The following CTNNA3 variants were observed in gnomAD, a reference collection of about 807,000 sequenced individuals.
CTNNA3 encodes catenin alpha-3.
CTNNA3 carries 76 observed loss-of-function variants against 95.7 expected under a neutral mutation model. The observed-to-expected ratio is 0.79, with a 90% confidence interval of 0.66 to 0.96. CTNNA3 has a LOEUF of 0.96. Ranked by LOEUF, CTNNA3 falls within the 40% of genes least tolerant of loss-of-function variation. The pLI is 0.00. For missense variants in CTNNA3, 1,191 were observed against 1,089.8 expected, an observed-to-expected ratio of 1.09 and a Z score of -1.31; for synonymous variants, 431 against 374.4, an observed-to-expected ratio of 1.15 and a Z score of -1.74.
At chr10:67,320,670 G>C (rs1408352688) in intron 5 of CTNNA3, among the ~76,000 whole-genome samples, 2 of 152,126 alleles carry the variant, frequency 1.3e-5, no homozygotes, top group African/African-American at 4.8e-5. Flanking sequence ...AAGCATGCCT[G>C]GTAGGTATTC....
chr10:66,946,454 A>T (rs1848281247), intron 7 of CTNNA3, among the ~76,000 whole-genome samples: 1 of 152,166 alleles, frequency 6.6e-6, no homozygotes, highest in Non-Finnish European at 1.5e-5. Flanking sequence ...CAGCTTGATG[A>T]ATAACTGAGC....
intron 5 of CTNNA3, among the ~76,000 whole-genome samples, chr10:67,239,785 C>A (rs1589072882): frequency 6.6e-6 from 1 of 151,960 alleles, no homozygotes; most frequent in South Asian, 2.1e-4. Flanking sequence ...TTACCCATGT[C>A]ATTAAGGGAA....
chr10:67,667,790 G>T (rs943141630), intron 1 of CTNNA3, among the ~76,000 whole-genome samples: 2 of 151,926 alleles, frequency 1.3e-5, no homozygotes, highest in Non-Finnish European at 2.9e-5. Context: ...AATAAAATAG[G>T]ATACCTCTTA....
intron 13 of CTNNA3, among the ~76,000 whole-genome samples, chr10:66,240,178 A>C (rs1441886258): frequency 6.6e-6 from 1 of 151,996 alleles, no homozygotes; most frequent in Non-Finnish European, 1.5e-5. Context: ...TATAATTGCC[A>C]CTTTCTACCT....
chr10:66,289,685 C>T (rs1296883567), intron 12 of CTNNA3, among the ~76,000 whole-genome samples: 2 of 152,004 alleles, frequency 1.3e-5, no homozygotes, highest in African/African-American at 4.8e-5. Context: ...AAATATTTAC[C>T]TCCTAATTTC....
intron 9 of CTNNA3, among the ~76,000 whole-genome samples, chr10:66,745,200 C>T (rs1274511420): frequency 6.6e-6 from 1 of 152,156 alleles, no homozygotes; most frequent in African/African-American, 2.4e-5. Context: ...TATTTGTTAG[C>T]TTCAAGTGTA....
chr10:67,726,587 G>A (rs538410854), intron 1 of CTNNA3, among the ~76,000 whole-genome samples: 2,101 of 42,798 alleles, frequency 0.049, 94 homozygotes, highest in African/African-American at 0.16. Context: ...TATATAATAT[G>A]TAATATTATA....
At chr10:67,187,095 T>C (rs1011961820) in intron 6 of CTNNA3, among the ~76,000 whole-genome samples, 1 of 152,144 alleles carries the variant, frequency 6.6e-6, no homozygotes, top group South Asian at 2.1e-4. Context: ...CTACCACTTC[T>C]TTTCAAAATT....
chr10:67,119,339 C>G (rs150751188), intron 7 of CTNNA3, among the ~76,000 whole-genome samples: 85 of 151,956 alleles, frequency 5.6e-4, no homozygotes, highest in African/African-American at 2.0e-3. Flanking sequence ...GAAACTCAGA[C>G]GTTAACCATT....
intron 9 of CTNNA3, among the ~76,000 whole-genome samples, chr10:66,702,615 A>G (rs1318163224): frequency 6.6e-6 from 1 of 150,658 alleles, no homozygotes; most frequent in Non-Finnish European, 1.5e-5. Flanking sequence ...CTGAGGCAGG[A>G]GAATCACTTG....
chr10:66,662,623 A>T (rs954225047), intron 9 of CTNNA3, among the ~76,000 whole-genome samples: 2 of 152,072 alleles, frequency 1.3e-5, no homozygotes, highest in Non-Finnish European at 2.9e-5. Flanking sequence ...CCTAAGGCCA[A>T]TCCTTCCTCT....
chr10:66,632,504 G>A (rs912450441), intron 9 of CTNNA3, among the ~76,000 whole-genome samples: 6 of 143,334 alleles, frequency 4.2e-5, no homozygotes, highest in African/African-American at 1.6e-4. Context: ...GAAGTGAGCC[G>A]AGATCACTTC....
At chr10:67,454,753 G>C (rs1183697187) in intron 5 of CTNNA3, among the ~76,000 whole-genome samples, 1 of 151,810 alleles carries the variant, frequency 6.6e-6, no homozygotes, top group Non-Finnish European at 1.5e-5. Flanking sequence ...CCAAACAAAA[G>C]AAAATAAAAG....
At chr10:65,969,497 C>T (rs1399017108) in intron 16 of CTNNA3, among the ~76,000 whole-genome samples, 1 of 152,020 alleles carries the variant, frequency 6.6e-6, no homozygotes, top group Non-Finnish European at 1.5e-5. Flanking sequence ...CAATAAGATC[C>T]AAGATGAGGT....
At chr10:67,702,001 A>T (rs1345253012) in intron 1 of CTNNA3, among the ~76,000 whole-genome samples, 1 of 152,234 alleles carries the variant, frequency 6.6e-6, no homozygotes, top group South Asian at 2.1e-4. Context: ...ACAGACTTTA[A>T]ACCAACAAAG....
At chr10:66,699,777 G>GC (rs1189281013) in intron 9 of CTNNA3, among the ~76,000 whole-genome samples, 2 of 151,550 alleles carry the variant, frequency 1.3e-5, no homozygotes, top group African/African-American at 4.9e-5. Context: ...TCCTGCCTCA[G>GC]CCCCCCGAGT....
chr10:67,458,987 A>G (rs961666805), intron 5 of CTNNA3, among the ~76,000 whole-genome samples: 2 of 152,236 alleles, frequency 1.3e-5, no homozygotes, highest in African/African-American at 4.8e-5. Flanking sequence ...TAAAAGAAGG[A>G]AAGTACACAC....
chr10:66,049,666 A>G (rs1293435404), intron 15 of CTNNA3, among the ~76,000 whole-genome samples: 1 of 152,230 alleles, frequency 6.6e-6, no homozygotes, highest in Non-Finnish European at 1.5e-5. Flanking sequence ...GCTGGAGGTT[A>G]TTATCCTTAG....
chr10:65,951,114 G>T (rs1182965173), intron 17 of CTNNA3, among the ~76,000 whole-genome samples: 1 of 152,180 alleles, frequency 6.6e-6, no homozygotes, highest in African/African-American at 2.4e-5. Flanking sequence ...TGAAGGAGCT[G>T]ATCTCATTCT....
Sources: allele counts gnomAD v4.1 joint callset (sites outside exome capture counted in the v4.1 genomes callset), GRCh38; gene constraint gnomAD v4.1.1; transcripts MANE v1.5; gene names NCBI Gene and HGNC (gene_info 2026-07-23, HGNC 2026-07-21).